MOB3B: variants seen among roughly 807,000 people sequenced by gnomAD.
MOB3B encodes MOB kinase activator 3B.
A neutral mutation model predicts 18.7 loss-of-function variants in MOB3B; 7 were observed. The ratio of observed to expected loss-of-function variants is 0.37; its 90% CI spans 0.21 to 0.70. MOB3B has a LOEUF of 0.70. Ranked by LOEUF, MOB3B falls within the 30% of genes least tolerant of loss-of-function variation. The pLI, the probability that MOB3B is intolerant of heterozygous loss-of-function variation, is 0.52. For missense variants in MOB3B, 253 were observed against 281.3 expected, an observed-to-expected ratio of 0.90 and a Z score of 0.72; for synonymous variants, 111 against 99.9, an observed-to-expected ratio of 1.11 and a Z score of -0.66.
chr9:27,449,644 T>C (rs1167306470), intron 2 of MOB3B, among the ~76,000 whole-genome samples: 1 of 152,144 alleles, frequency 6.6e-6, no homozygotes, highest in African/African-American at 2.4e-5. Context: ...CAAAGATTTC[T>C]ATCAAAATAA....
chr9:27,447,509 T>C (rs923991149), intron 2 of MOB3B, among the ~76,000 whole-genome samples: 5 of 152,218 alleles, frequency 3.3e-5, no homozygotes, highest in African/African-American at 9.6e-5. Flanking sequence ...TAACAACTTG[T>C]CACCTGAGAT....
intron 1 of MOB3B, among the ~76,000 whole-genome samples, chr9:27,523,028 T>G (rs1820364708): frequency 6.6e-6 from 1 of 152,094 alleles, no homozygotes; most frequent in East Asian, 1.9e-4. Flanking sequence ...GACAAGAACT[T>G]TTTAAGCCAA....
intron 1 of MOB3B, among the ~76,000 whole-genome samples, chr9:27,515,551 A>T (rs1487019502): frequency 6.6e-6 from 1 of 152,244 alleles, no homozygotes; most frequent in Non-Finnish European, 1.5e-5. Flanking sequence ...TTGGCACTTA[A>T]TAATTGTTAA....
At chr9:27,456,660 G>A (rs976988160) in intron 1 of MOB3B, among the ~76,000 whole-genome samples, 5 of 152,112 alleles carry the variant, frequency 3.3e-5, no homozygotes, top group African/African-American at 1.2e-4. Flanking sequence ...ACCTTCCAAT[G>A]TGCCGTCCTT....
In MOB3B at chr9:27,422,110, G is replaced by A. The variant is rs531378350; in HGVS notation, c.418+33023C>T. On this transcript the variant is annotated intron_variant, in intron 2 of 3. Coordinates refer to ENST00000262244, the MANE Select transcript of MOB3B (RefSeq NM_024761.5). ...AATGAATGAATAAATACATGAATAC[G>A]TGAATGAATGCTACCTCTTTTCAGG... Among the ~76,000 whole-genome samples the A allele has an allele frequency of 1.3e-3, 203 of 152,296 alleles. 6 individuals carry two copies. The highest frequency in any genetic ancestry group is 0.012 in the Admixed American group (185 of 15,294).
At chr9:27,389,423 C>A (rs532340847) in intron 2 of MOB3B, among the ~76,000 whole-genome samples, 1 of 152,156 alleles carries the variant, frequency 6.6e-6, no homozygotes, top group Non-Finnish European at 1.5e-5. Flanking sequence ...ATTACTTGAA[C>A]ATGCCGAGAG....
rs188255806 is a variant in MOB3B, at chr9:27,465,344, C to A, written c.-198-9596G>T. Among the ~76,000 whole-genome samples, 57 of 152,314 alleles carry A rather than the reference C, an allele frequency of 3.7e-4. 1 individual carries two copies. Among genetic ancestry groups the A allele is most frequent in the Admixed American group, 3.5e-3 (53 of 15,300 alleles). On this transcript the variant is annotated intron_variant, in intron 1 of 3. Transcript: ENST00000262244. ...TCTCCTTTGACTCCAGGTCTGACAT[C>A]CAGGTCATGCTGCTGCAAGAAGTGG...
At chr9:27,506,759 T>C (rs1422048676) in intron 1 of MOB3B, among the ~76,000 whole-genome samples, 1 of 151,808 alleles carries the variant, frequency 6.6e-6, no homozygotes, top group East Asian at 1.9e-4. Context: ...CTCGATCTCC[T>C]GACCTCGTGA....
chr9:27,458,733 T>C (rs1819230375), intron 1 of MOB3B, among the ~76,000 whole-genome samples: 2 of 151,678 alleles, frequency 1.3e-5, no homozygotes, highest in African/African-American at 4.8e-5. Context: ...TTATCTTGTA[T>C]TTTGTAGAGA....
chr9:27,470,919 T>C (rs1819460682), intron 1 of MOB3B, among the ~76,000 whole-genome samples: 1 of 152,226 alleles, frequency 6.6e-6, no homozygotes, highest in Non-Finnish European at 1.5e-5. Flanking sequence ...TTGTTTGTTT[T>C]TTTCTCTTTC....
At chr9:27,343,274 C>T (rs956679949) in intron 3 of MOB3B, among the ~76,000 whole-genome samples, 4 of 151,564 alleles carry the variant, frequency 2.6e-5, no homozygotes, top group African/African-American at 9.8e-5. Flanking sequence ...TGCTTGAAAG[C>T]AGCATGCTCC....
At chr9:27,528,567 T>C (rs1218594908) in intron 1 of MOB3B, among the ~76,000 whole-genome samples, 1 of 152,220 alleles carries the variant, frequency 6.6e-6, no homozygotes, top group Non-Finnish European at 1.5e-5. Flanking sequence ...GCTCCTCCAC[T>C]TTCCCAGCTG....
intron 1 of MOB3B, among the ~76,000 whole-genome samples, chr9:27,508,165 C>A (rs1005097910): frequency 6.6e-6 from 1 of 152,182 alleles, no homozygotes; most frequent in Non-Finnish European, 1.5e-5. Context: ...ATCCTATGGA[C>A]AAGTTCCTGA....
intron 2 of MOB3B, among the ~76,000 whole-genome samples, chr9:27,417,494 A>G (rs1822170597): frequency 6.6e-6 from 1 of 152,228 alleles, no homozygotes; most frequent in Non-Finnish European, 1.5e-5. Context: ...GTTTCCTTTG[A>G]GTGATCTTAT....
chr9:27,399,336 T>C (rs1372889019), intron 2 of MOB3B, among the ~76,000 whole-genome samples: 1 of 152,186 alleles, frequency 6.6e-6, no homozygotes, highest in African/African-American at 2.4e-5. Flanking sequence ...GGCATACCTG[T>C]GCCACACTGG....
chr9:27,412,771 G>A (rs11788670), intron 2 of MOB3B, among the ~76,000 whole-genome samples: 48,830 of 152,136 alleles, frequency 0.32, 8,280 homozygotes, highest in Non-Finnish European at 0.37. Context: ...AACAGTGACC[G>A]TGGTGGGTTA....
At chr9:27,436,233 G>C (rs1364380665) in intron 2 of MOB3B, among the ~76,000 whole-genome samples, 2 of 152,202 alleles carry the variant, frequency 1.3e-5, no homozygotes, top group African/African-American at 2.4e-5. Flanking sequence ...TTGGCACACT[G>C]CATTTTCCTC....
intron 1 of MOB3B, among the ~76,000 whole-genome samples, chr9:27,491,445 T>C (rs555870826): frequency 6.6e-5 from 10 of 152,348 alleles, no homozygotes; most frequent in Middle Eastern, 6.8e-3. Context: ...GGGGCCCATG[T>C]TGAATTTGCC....
chr9:27,359,121 T>C lies in MOB3B; in HGVS notation c.534A>G (p.Ala178=), dbSNP rs754364661. The C allele has an allele frequency of 6.2e-7, 1 of 1,614,130 alleles. No homozygotes were observed. Among genetic ancestry groups the C allele is most frequent in the Non-Finnish European group, 8.5e-7 (1 of 1,180,032 alleles). The change falls in exon 3 of 4, where the codon GCA becomes GCG. Residue 178 remains alanine (A), a synonymous_variant. Transcript: ENST00000262244. ...TGTAGCAGGTGTTGACATGGGCCTCTGCACCCATCACAATGACCCGGTCGA... is the reference window on the plus strand; with the variant it reads ...TGTAGCAGGTGTTGACATGGGCCTCCGCACCCATCACAATGACCCGGTCGA... The part of the protein sequence containing the change: ...HHFDRVIVMG[A]EAHVNTCYKH...
Sources: allele counts gnomAD v4.1 joint callset (sites outside exome capture counted in the v4.1 genomes callset), GRCh38; gene constraint gnomAD v4.1.1; transcripts MANE v1.5; gene names NCBI Gene and HGNC (gene_info 2026-07-23, HGNC 2026-07-21).